Variants in SF3B1 observed in about 807,000 individuals in gnomAD.
SF3B1 encodes the protein pre-mRNA processing 10.
A neutral mutation model predicts 153.8 loss-of-function variants in SF3B1; 12 were observed. That is an observed-to-expected ratio of 0.08 (90% CI 0.05 to 0.13). The LOEUF (loss-of-function observed/expected upper bound fraction) is 0.13, where lower values mean the gene tolerates loss of function less well. Among genes scored for constraint, SF3B1 ranks in the 10% least tolerant of loss-of-function variants. The pLI is 1.00. For synonymous variants in SF3B1, 498 were observed against 525.2 expected (o/e 0.95, Z 0.71); for missense variants, 513 against 1,606.1 (o/e 0.32, Z 11.63).
At chr2:197,398,256 A>G (rs1026625980) in intron 21 of SF3B1, 140 bp from the exon 22 acceptor site, 1 of 852,860 alleles carries the variant, frequency 1.2e-6, no homozygotes, top group African/African-American at 1.7e-5. Flanking sequence ...AAGGCTGAAG[A>G]GTTAGTCTTA....
chr2:197,398,422 T>C (rs16865262), intron 21 of SF3B1, 39 bp downstream of exon 21: 340,404 of 1,606,946 alleles, frequency 0.21, 37,694 homozygotes, highest in East Asian at 0.26. Flanking sequence ...AATTTGAAAA[T>C]TGATACTGCT....
At position 197,393,154 on chromosome 2, in the gene SF3B1, C is replaced by A; in HGVS notation, c.3574G>T (p.Val1192Leu). Residue 1192 changes from valine (V) to leucine (L), a missense_variant, in exon 24 of 25, where the codon GTA becomes TTA. Coordinates refer to ENST00000335508, the MANE Select transcript of SF3B1 (RefSeq NM_012433.4). ...TAAACCCCAAGTGACATGTGCTGTA[C>A]CACTGCACTAGCCGTCTGTCTGTGT... ...LVHRQTASAV[V>L]QHMSLGVYGF... The A allele has an allele frequency of 6.2e-7, 1 of 1,613,836 alleles. No individual in the cohort carries two copies. The highest frequency in any genetic ancestry group is 8.5e-7 in the Non-Finnish European group (1 of 1,179,764).
At chr2:197,408,766 T>C in intron 7 of SF3B1, 185 bp from the exon 8 acceptor site, 1 of 570,760 alleles carries the variant, frequency 1.8e-6, no homozygotes, top group Non-Finnish European at 3.1e-6. Flanking sequence ...CTACTAAAAA[T>C]ACAAAAAGTA....
chr2:197,424,885 C>T (rs371803041), intron 1 of SF3B1, among the ~76,000 whole-genome samples: 6 of 152,340 alleles, frequency 3.9e-5, no homozygotes, highest in African/African-American at 1.4e-4. Flanking sequence ...GCTGGCCGGG[C>T]GCGGTGGTCC....
At chr2:197,394,287 G>A (rs867637143) in intron 23 of SF3B1, among the ~76,000 whole-genome samples, 3 of 152,260 alleles carry the variant, frequency 2.0e-5, no homozygotes, top group East Asian at 1.9e-4. Context: ...GGGGTCAAGC[G>A]ATCCTCCCAC....
rs764638712 is a variant in SF3B1, at chr2:197,392,405, G to A, written c.3813C>T (p.Ser1271=). ...GAGCGTCCTGGGAACCAATGTAGATGGAGTTGTAAATTTTCCAATATACAT... is the reference window on the plus strand; with the variant it reads ...GAGCGTCCTGGGAACCAATGTAGATAGAGTTGTAAATTTTCCAATATACAT... ...VRDVYWKIYN[S]IYIGSQDALI... Residue 1271 remains serine, a synonymous_variant, in exon 25 of 25, where the codon TCC becomes TCT. Transcript: ENST00000335508. 6 of 1,612,832 alleles carry A rather than the reference G, an allele frequency of 3.7e-6. No homozygotes were observed. Among genetic ancestry groups the A allele is most frequent in the Non-Finnish European group, 4.2e-6 (5 of 1,179,070 alleles).
chr2:197,410,501 A>ATTTT (rs573287348), intron 6 of SF3B1, among the ~76,000 whole-genome samples: 45 of 107,926 alleles, frequency 4.2e-4, no homozygotes, highest in Non-Finnish European at 4.9e-4. Flanking sequence ...CACCTATGTA[A>ATTTT]TTTTTTTTTT....
intron 1 of SF3B1, among the ~76,000 whole-genome samples, chr2:197,425,607 T>C (rs952909404): frequency 2.0e-5 from 3 of 152,134 alleles, no homozygotes; most frequent in Admixed American, 1.3e-4. Context: ...AAGCCCTCTA[T>C]AGTTCCTCAA....
chr2:197,424,736 T>C (rs2085305070), intron 1 of SF3B1, among the ~76,000 whole-genome samples: 1 of 152,210 alleles, frequency 6.6e-6, no homozygotes, highest in Admixed American at 6.5e-5. Context: ...GTTTTAATAA[T>C]CTAAATAATA....
chr2:197,435,036 C>T, upstream of SF3B1: 1 of 1,614,186 alleles, frequency 6.2e-7, no homozygotes, highest in African/African-American at 1.3e-5. Context: ...ACTGGCGCTC[C>T]CAAGAACTTC....
intron 6 of SF3B1, among the ~76,000 whole-genome samples, chr2:197,410,946 ATT>A (rs906973359): frequency 1.3e-5 from 2 of 152,024 alleles, no homozygotes; most frequent in African/African-American, 4.8e-5. Context: ...GTGGATTTTC[ATT>A]TGTTTTTTGA....
At chr2:197,410,213 C>A (rs559340797) in intron 6 of SF3B1, among the ~76,000 whole-genome samples, 8 of 152,106 alleles carry the variant, frequency 5.3e-5, no homozygotes, top group Non-Finnish European at 1.0e-4. Context: ...AAGTTTCAAT[C>A]CGAAGCACTG....
chr2:197,418,471 C>A, intron 5 of SF3B1, 38 bp downstream of exon 5: 5 of 1,478,098 alleles, frequency 3.4e-6, no homozygotes, highest in Admixed American at 1.8e-5. Context: ...TATTTATATT[C>A]TTTCACAACC....
intron 7 of SF3B1, 119 bp from the exon 8 acceptor site, chr2:197,408,700 G>A: frequency 1.4e-6 from 1 of 734,208 alleles, no homozygotes; most frequent in Non-Finnish European, 2.2e-6. Context: ...TCCTAAAATG[G>A]TGACCCATTT....
chr2:197,414,316 C>T (rs2085115923), intron 6 of SF3B1, among the ~76,000 whole-genome samples: 1 of 152,194 alleles, frequency 6.6e-6, no homozygotes, highest in African/African-American at 2.4e-5. Flanking sequence ...TGGCAGCTAT[C>T]TTATACAAAC....
rs2105983879 is a variant in SF3B1, at chr2:197,401,657, T to C, written c.2370+85A>G. 4 of 1,495,202 alleles carry C rather than the reference T, an allele frequency of 2.7e-6. No individual in the cohort carries two copies. In the East Asian group the frequency reaches 6.8e-5, roughly 25 times the overall value. 92.6% of individuals were successfully genotyped at this position (1,495,202 alleles called of 1,614,324 possible). A position where few individuals can be genotyped will look rare whatever the true frequency, so the allele number is the denominator to read the frequency against. ...CAGTATTCGTGTAACATACAGTTTT[T>C]TTTGTTGATTTTTAAAAACACTTTA... On this transcript the variant is annotated intron_variant, in intron 16 of 24. Transcript: ENST00000335508. This position sits in a 1 kb window ranked among gnomAD's most constrained non-coding sequence, Gnocchi z 4.2.
At chr2:197,430,908 T>C (rs1374715961) in intron 1 of SF3B1, among the ~76,000 whole-genome samples, 2 of 152,058 alleles carry the variant, frequency 1.3e-5, no homozygotes, top group Non-Finnish European at 2.9e-5. Context: ...AATCCTCCTG[T>C]CTTGACTTCC....
At position 197,423,916 on chromosome 2, in the gene SF3B1, T is replaced by C. The variant is rs2085288426; in HGVS notation, c.87A>G (p.Gln29=). ...AACCTGTAGAATCGAGGCCCACTCC[T>C]TGAGCTTCATCAAGAGCTGCCTTCT... is the stretch of plus-strand genomic sequence containing the variant. The part of the protein sequence containing the change: ...QGKKAALDEA[Q]GVGLDSTGYY... The change falls in exon 2 of 25, where the codon CAA becomes CAG. Residue 29 remains glutamine (Q), a synonymous_variant. Transcript: ENST00000335508. 4.3e-6 allele frequency: 7 copies of C among 1,612,222 alleles called. No homozygotes were observed. The highest frequency in any genetic ancestry group is 2.2e-5 in the East Asian group (1 of 44,866).
At position 197,402,186 on chromosome 2, in the gene SF3B1, T is replaced by C. The variant is rs2105985772; in HGVS notation, c.2078-56A>G. ...CCCCAACATTACCTAAGTTACACAATATCATCCAGATTCTCTCAATATATC... is the reference window on the plus strand; with the variant it reads ...CCCCAACATTACCTAAGTTACACAACATCATCCAGATTCTCTCAATATATC... On this transcript the variant is annotated intron_variant, in intron 14 of 24. Coordinates refer to ENST00000335508, the MANE Select transcript of SF3B1 (RefSeq NM_012433.4). The surrounding 1 kb of genome is among the most constrained non-coding windows in gnomAD (Gnocchi z 4.6). The C allele has an allele frequency of 1.9e-6, 3 of 1,545,936 alleles. No homozygotes were observed. The highest frequency in any genetic ancestry group is 2.6e-6 in the Non-Finnish European group (3 of 1,144,324).
Sources: allele counts gnomAD v4.1 joint callset (sites outside exome capture counted in the v4.1 genomes callset), GRCh38; gene constraint gnomAD v4.1.1; non-coding constraint Gnocchi (gnomAD v3.1); transcripts MANE v1.5; gene names NCBI Gene and HGNC (gene_info 2026-07-23, HGNC 2026-07-21).